ZNF148: variants seen among roughly 807,000 people sequenced by gnomAD.
ZNF148 encodes Beta-Enolase Repressor Factor-1.
Under a neutral mutation model 67.7 loss-of-function variants are expected in ZNF148, and 7 were observed. That is an observed-to-expected ratio of 0.10 (90% CI 0.06 to 0.19). The LOEUF (loss-of-function observed/expected upper bound fraction) is 0.19. Ranked by LOEUF, ZNF148 falls within the 10% of genes least tolerant of loss-of-function variation. The pLI is 1.00. For synonymous variants in ZNF148, 333 were observed against 330.7 expected (o/e 1.01, Z -0.08); for missense variants, 583 against 947.1 (o/e 0.62, Z 5.05).
chr3:125,239,061 T>G (rs1936227359), intron 7 of ZNF148, among the ~76,000 whole-genome samples: 1 of 152,164 alleles, frequency 6.6e-6, no homozygotes. Context: ...ACAGGAAAAT[T>G]CAGAGTGATA....
At chr3:125,328,887 T>TA (rs1439638318) in intron 2 of ZNF148, among the ~76,000 whole-genome samples, 10 of 152,172 alleles carry the variant, frequency 6.6e-5, no homozygotes, top group Admixed American at 3.9e-4. Context: ...CCCTCTCTCA[T>TA]AGACTACTGA....
At chr3:125,336,695 T>TTTTTTTTA (rs1941509594) in intron 1 of ZNF148, among the ~76,000 whole-genome samples, 3 of 147,442 alleles carry the variant, frequency 2.0e-5, no homozygotes, top group African/African-American at 5.0e-5. Context: ...TTTTTTTTTT[T>TTTTTTTTA]GAGATGTAGT....
chr3:125,371,406 C>A (rs1208569928), intron 1 of ZNF148, among the ~76,000 whole-genome samples: 1 of 146,362 alleles, frequency 6.8e-6, no homozygotes. Flanking sequence ...GTGGCTCACG[C>A]CTGTAATCCC....
intron 3 of ZNF148, among the ~76,000 whole-genome samples, chr3:125,317,708 T>C (rs13094075): frequency 6.6e-5 from 6 of 90,916 alleles, no homozygotes; most frequent in Middle Eastern, 4.8e-3. Flanking sequence ...CATATATATA[T>C]ATATATTTTT....
At chr3:125,301,628 C>T (rs1208947884) in intron 4 of ZNF148, among the ~76,000 whole-genome samples, 1 of 152,164 alleles carries the variant, frequency 6.6e-6, no homozygotes, top group Non-Finnish European at 1.5e-5. Context: ...AGAAGAAAAT[C>T]ATTAACATGC....
At chr3:125,242,160 G>A (rs1259452814) in intron 7 of ZNF148, among the ~76,000 whole-genome samples, 9 of 152,218 alleles carry the variant, frequency 5.9e-5, no homozygotes, top group Admixed American at 5.9e-4. Flanking sequence ...GGTAGGGGTA[G>A]AGTTGTTTGC....
intron 5 of ZNF148, among the ~76,000 whole-genome samples, chr3:125,283,023 A>C (rs1184188227): frequency 6.6e-6 from 1 of 152,160 alleles, no homozygotes; most frequent in African/African-American, 2.4e-5. Flanking sequence ...AAAACTCAAA[A>C]GACTAATTAG....
intron 7 of ZNF148, among the ~76,000 whole-genome samples, chr3:125,245,953 C>T (rs894638385): frequency 1.3e-5 from 2 of 152,202 alleles, no homozygotes; most frequent in Admixed American, 1.3e-4. Context: ...TTGTGTCTGA[C>T]CTGTCTTCGC....
At chr3:125,343,932 C>G (rs1311302348) in intron 1 of ZNF148, among the ~76,000 whole-genome samples, 2 of 152,044 alleles carry the variant, frequency 1.3e-5, no homozygotes, top group Non-Finnish European at 2.9e-5. Context: ...AATGGGGACT[C>G]TGTTGAGCTG....
In ZNF148 at chr3:125,374,113, G is replaced by T. The variant is rs149312600; in HGVS notation, c.-234+989C>A. Among the ~76,000 whole-genome samples the T allele has an allele frequency of 3.0e-3, 457 of 152,170 alleles. 1 individual carries two copies. Among genetic ancestry groups the T allele is most frequent in the Middle Eastern group, 6.8e-3 (2 of 294 alleles). On this transcript the variant is annotated intron_variant, in intron 1 of 8. Transcript: ENST00000360647. ...CCCACAGGCCAGACCCTTTCTCAAGGTCTGCTTCAGAGGTTCTCATACTCA... is the reference window on the plus strand; with the variant it reads ...CCCACAGGCCAGACCCTTTCTCAAGTTCTGCTTCAGAGGTTCTCATACTCA...
At chr3:125,249,472 C>T (rs1936741950) in intron 7 of ZNF148, among the ~76,000 whole-genome samples, 1 of 152,092 alleles carries the variant, frequency 6.6e-6, no homozygotes, top group Non-Finnish European at 1.5e-5. Flanking sequence ...CATGAGATGT[C>T]ATCTCAAACC....
At chr3:125,322,027 CTTTTTTTTTTT>C (rs35879999) in intron 3 of ZNF148, among the ~76,000 whole-genome samples, 5 of 82,928 alleles carry the variant, frequency 6.0e-5, no homozygotes, top group Non-Finnish European at 8.5e-5. Flanking sequence ...TAATCAACGG[CTTTTTTTTTTT>C]TTTTTTTTTT....
At chr3:125,333,060 A>C (rs1941352691) in intron 1 of ZNF148, among the ~76,000 whole-genome samples, 1 of 152,228 alleles carries the variant, frequency 6.6e-6, no homozygotes, top group East Asian at 1.9e-4. Flanking sequence ...AGTTGATGTG[A>C]TGTATCTAAT....
intron 2 of ZNF148, among the ~76,000 whole-genome samples, chr3:125,329,974 G>A (rs1224646574): frequency 1.3e-5 from 2 of 152,174 alleles, no homozygotes; most frequent in African/African-American, 4.8e-5. Flanking sequence ...TGATTATACT[G>A]AATGGGGAAG....
At chr3:125,349,174 A>G (rs1262985649) in intron 1 of ZNF148, among the ~76,000 whole-genome samples, 1 of 152,234 alleles carries the variant, frequency 6.6e-6, no homozygotes, top group Non-Finnish European at 1.5e-5. Flanking sequence ...CACAGCCATG[A>G]TTTCTAGGAT....
chr3:125,369,324 T>C (rs1942802309), intron 1 of ZNF148, among the ~76,000 whole-genome samples: 1 of 124,538 alleles, frequency 8.0e-6, no homozygotes, highest in East Asian at 2.3e-4. Context: ...AGGGTCATTT[T>C]AATACATTTC....
chr3:125,225,710 G>A lies in ZNF148; in HGVS notation c.*6631C>T, dbSNP rs951028620. ...TTTTTATTTTTTCTTATAATCTTTA[G>A]AAGATTGGAGAAGTATCATGTAGAA... On this transcript the variant is annotated 3_prime_UTR_variant, in exon 9 of 9. Transcript: ENST00000360647. The A allele has an allele frequency of 1.3e-5, 2 of 151,970 alleles. No individual in the cohort carries two copies. Among genetic ancestry groups the A allele is most frequent in the African/African-American group, 2.4e-5 (1 of 41,352 alleles). 9.4% of individuals were successfully genotyped at this position (151,970 alleles called of 1,614,324 possible).
intron 7 of ZNF148, among the ~76,000 whole-genome samples, chr3:125,241,083 A>T (rs151142469): frequency 1.0e-3 from 152 of 150,594 alleles, no homozygotes; most frequent in Non-Finnish European, 1.6e-3. Context: ...ACTCATCTCC[A>T]TTCCTTTCTT....
chr3:125,244,152 TTTCTC>T (rs1344836005), intron 7 of ZNF148, among the ~76,000 whole-genome samples: 2 of 152,172 alleles, frequency 1.3e-5, no homozygotes, highest in African/African-American at 4.8e-5. Context: ...GGCCCTAAAG[TTTCTC>T]TTCTAACAGT....
Sources: gnomAD v4.1 joint callset for allele counts (sites outside exome capture counted in the v4.1 genomes callset) on GRCh38, gnomAD v4.1.1 for gene constraint, MANE v1.5 for transcripts, NCBI Gene and HGNC (gene_info 2026-07-23, HGNC 2026-07-21) for gene names.